The following ZFHX3 variants were observed in gnomAD, a reference collection of about 807,000 sequenced individuals.
ZFHX3 encodes zinc finger homeobox 3, also known as zinc finger homeobox protein 3.
ZFHX3 carries 42 observed loss-of-function variants against 279.1 expected under a neutral mutation model. That is an observed-to-expected ratio of 0.15 (90% CI 0.12 to 0.19). The LOEUF is 0.19. ZFHX3 is among the 10% of genes least tolerant of loss of function. The probability of loss-of-function intolerance (pLI) is 1.00; values close to 1 mark genes in which losing one functional copy is unlikely to be tolerated. For synonymous variants in ZFHX3, 2,293 were observed against 1,957.8 expected, an observed-to-expected ratio of 1.17 and a Z score of -4.52; for missense variants, 4,981 against 4,754.0, an observed-to-expected ratio of 1.05 and a Z score of -1.40.
chr16:73,392,254 T>C (rs978223082), intron 3 of ZFHX3, among the ~76,000 whole-genome samples: 2 of 151,600 alleles, frequency 1.3e-5, no homozygotes, highest in Admixed American at 6.6e-5. Flanking sequence ...ACCCCATCTC[T>C]ACCCAAAAAC....
At chr16:72,960,659 G>A (rs1451020299) in intron 1 of ZFHX3, among the ~76,000 whole-genome samples, 1 of 152,176 alleles carries the variant, frequency 6.6e-6, no homozygotes, top group Non-Finnish European at 1.5e-5. Context: ...ACACAGGGGA[G>A]GGCTGAGAAG....
intron 1 of ZFHX3, among the ~76,000 whole-genome samples, chr16:73,732,979 G>T (rs1158416569): frequency 6.6e-6 from 1 of 152,056 alleles, no homozygotes; most frequent in Non-Finnish European, 1.5e-5. Context: ...GTTGGGTTTT[G>T]TCCTTTAGTG....
At chr16:73,094,734 GAGT>G (rs1388801363) in intron 7 of ZFHX3, among the ~76,000 whole-genome samples, 1 of 152,066 alleles carries the variant, frequency 6.6e-6, no homozygotes, top group African/African-American at 2.4e-5. Context: ...TTTTTTGATG[GAGT>G]CTTGCTTTTT....
chr16:73,690,986 C>T (rs1339065599), intron 1 of ZFHX3, among the ~76,000 whole-genome samples: 2 of 152,136 alleles, frequency 1.3e-5, no homozygotes, highest in Non-Finnish European at 2.9e-5. Context: ...GACACACAGA[C>T]CAATTTTTCC....
intron 2 of ZFHX3, among the ~76,000 whole-genome samples, chr16:73,466,209 C>T (rs550634338): frequency 1.4e-3 from 217 of 152,102 alleles, no homozygotes; most frequent in African/African-American, 5.0e-3. Flanking sequence ...AGGCCAGGCA[C>T]GGTGGCTCAT....
At chr16:73,313,981 C>T in intron 4 of ZFHX3, among the ~76,000 whole-genome samples, 1 of 152,122 alleles carries the variant, frequency 6.6e-6, no homozygotes, top group African/African-American at 2.4e-5. Context: ...CACCTGTAGT[C>T]CCAGCTCCTT....
chr16:73,242,879 G>C (rs553517694), intron 5 of ZFHX3, among the ~76,000 whole-genome samples: 1 of 152,298 alleles, frequency 6.6e-6, no homozygotes, highest in African/African-American at 2.4e-5. Flanking sequence ...GCACAGTCCT[G>C]GGGAAGCCAT....
At chr16:73,626,286 C>T (rs1029387453) in intron 2 of ZFHX3, among the ~76,000 whole-genome samples, 1 of 152,138 alleles carries the variant, frequency 6.6e-6, no homozygotes, top group Non-Finnish European at 1.5e-5. Flanking sequence ...AGGATGGAAG[C>T]AGTTGACGAG....
intron 2 of ZFHX3, among the ~76,000 whole-genome samples, chr16:72,951,450 C>T (rs1960996997): frequency 6.6e-6 from 1 of 152,078 alleles, no homozygotes; most frequent in Admixed American, 6.6e-5. Flanking sequence ...TTAGTAGAGA[C>T]AGGGTTTCAT....
At chr16:73,350,805 G>A (rs1226077835) in intron 3 of ZFHX3, among the ~76,000 whole-genome samples, 1 of 152,208 alleles carries the variant, frequency 6.6e-6, no homozygotes, top group African/African-American at 2.4e-5. Flanking sequence ...GAGTCTGCAA[G>A]CCAAAGACGG....
At chr16:72,999,376 C>T (rs757238327) in intron 1 of ZFHX3, among the ~76,000 whole-genome samples, 14 of 152,170 alleles carry the variant, frequency 9.2e-5, no homozygotes, top group Non-Finnish European at 2.1e-4. Context: ...AGGCTGGTCT[C>T]GAACTCCTGA....
intron 4 of ZFHX3, among the ~76,000 whole-genome samples, chr16:73,299,443 C>G (rs1460090754): frequency 6.6e-6 from 1 of 152,098 alleles, no homozygotes; most frequent in East Asian, 1.9e-4. Context: ...CTGACAGGGC[C>G]CAACACTGGG....
intron 4 of ZFHX3, among the ~76,000 whole-genome samples, chr16:72,869,564 G>C (rs1281555467): frequency 6.8e-6 from 1 of 146,806 alleles, no homozygotes; most frequent in Non-Finnish European, 1.5e-5. Context: ...CACCATGAGT[G>C]ATCAGTGACA....
chr16:73,664,266 G>A (rs1291203401), intron 2 of ZFHX3, among the ~76,000 whole-genome samples: 1 of 152,116 alleles, frequency 6.6e-6, no homozygotes, highest in Non-Finnish European at 1.5e-5. Flanking sequence ...CTTGAGATGG[G>A]CTAGCACTAT....
intron 3 of ZFHX3, among the ~76,000 whole-genome samples, chr16:73,452,249 G>A (rs1176443313): frequency 6.6e-6 from 1 of 152,140 alleles, no homozygotes; most frequent in African/African-American, 2.4e-5. Flanking sequence ...CCTCCTTCAT[G>A]CTGTGAACTC....
chr16:73,854,770 T>C (rs1025800657), intron 1 of ZFHX3, among the ~76,000 whole-genome samples: 5 of 150,634 alleles, frequency 3.3e-5, no homozygotes, highest in Middle Eastern at 3.2e-3. Flanking sequence ...AATTTTTATA[T>C]TTCTAGAAGG....
intron 4 of ZFHX3, among the ~76,000 whole-genome samples, chr16:73,311,809 T>A (rs767712941): frequency 2.6e-5 from 4 of 152,144 alleles, no homozygotes; most frequent in Non-Finnish European, 5.9e-5. Flanking sequence ...AATTGGACCG[T>A]GCAACATTTA....
intron 1 of ZFHX3, among the ~76,000 whole-genome samples, chr16:73,785,329 T>C (rs913911727): frequency 4.6e-5 from 7 of 152,218 alleles, no homozygotes; most frequent in African/African-American, 1.7e-4. Context: ...ACCAAAAATT[T>C]ATCCCCAAAT....
At chr16:73,766,903 G>C (rs145107130) in intron 1 of ZFHX3, among the ~76,000 whole-genome samples, 133 of 151,488 alleles carry the variant, frequency 8.8e-4, no homozygotes, top group African/African-American at 2.9e-3. Flanking sequence ...TATTAGATTG[G>C]TGCAAAGGTA....
Sources: gnomAD v4.1 joint callset for allele counts (sites outside exome capture counted in the v4.1 genomes callset) on GRCh38, gnomAD v4.1.1 for gene constraint, MANE v1.5 for transcripts, NCBI Gene and HGNC (gene_info 2026-07-23, HGNC 2026-07-21) for gene names.